The following ERICH3 variants were observed in gnomAD, a reference collection of about 807,000 sequenced individuals.
ERICH3 encodes the protein glutamate rich 3.
Under a neutral mutation model 131.1 loss-of-function variants are expected in ERICH3, and 126 were observed. That is an observed-to-expected ratio of 0.96 (90% CI 0.83 to 1.11). The LOEUF (loss-of-function observed/expected upper bound fraction) is 1.11. ERICH3 is among the 50% of genes most tolerant of loss of function. ERICH3 has a pLI of 0.00. For missense variants in ERICH3, 2,050 were observed against 1,810.7 expected (o/e 1.13, Z -2.40); for synonymous variants, 695 against 644.6 (o/e 1.08, Z -1.18).
chr1:74,650,174 T>C (rs1056640587), intron 1 of ERICH3, among the ~76,000 whole-genome samples: 5 of 152,296 alleles, frequency 3.3e-5, no homozygotes, highest in Middle Eastern at 3.4e-3. Flanking sequence ...CCTCCTTATA[T>C]ATATCTAGAC....
intron 1 of ERICH3, among the ~76,000 whole-genome samples, chr1:74,666,961 C>G (rs531924604): frequency 1.3e-5 from 2 of 152,250 alleles, no homozygotes; most frequent in East Asian, 3.9e-4. Flanking sequence ...ATAATTCTCC[C>G]TTGAGTATGT....
chr1:74,582,786 T>G (rs926355509), intron 12 of ERICH3, among the ~76,000 whole-genome samples: 1 of 152,208 alleles, frequency 6.6e-6, no homozygotes, highest in Non-Finnish European at 1.5e-5. Context: ...ATTATTTATG[T>G]GGTTTAAATG....
At chr1:74,588,086 A>G (rs1647417420) in intron 12 of ERICH3, among the ~76,000 whole-genome samples, 1 of 152,226 alleles carries the variant, frequency 6.6e-6, no homozygotes, top group African/African-American at 2.4e-5. Context: ...AAAGTTTGTC[A>G]AACTCTGTTC....
chr1:74,626,283 C>T (rs1649412842), intron 7 of ERICH3, among the ~76,000 whole-genome samples: 1 of 152,052 alleles, frequency 6.6e-6, no homozygotes. Flanking sequence ...AAAGTTTGTG[C>T]TTTAAAATAA....
chr1:74,634,707 G>A (rs1332196269), intron 6 of ERICH3: 1 of 709,610 alleles, frequency 1.4e-6, no homozygotes, highest in East Asian at 2.7e-5. Flanking sequence ...CTATCTAGGG[G>A]AGAGGAAATC....
chr1:74,572,011 C>A lies in ERICH3; in HGVS notation c.3699G>T (p.Leu1233=). 6.2e-7 allele frequency: 1 copy of A among 1,614,118 alleles called. No individual in the cohort carries two copies. Among genetic ancestry groups the A allele is most frequent in the Non-Finnish European group, 8.5e-7 (1 of 1,180,030 alleles). The change falls in exon 14 of 15, where the codon CTG becomes CTT. Residue 1233 remains leucine, a synonymous_variant. Transcript: ENST00000326665. ...CCTCTGCCTGGCCTGTGGCTGGGAT[C>A]AGCCCCTCAGGGGCCTGCACCTTTC... ...PAGKVQAPEG[L]IPATGQAEEL...
intron 12 of ERICH3, among the ~76,000 whole-genome samples, chr1:74,586,930 T>A (rs1374562254): frequency 6.6e-6 from 1 of 152,210 alleles, no homozygotes; most frequent in African/African-American, 2.4e-5. Context: ...GATAAACCTA[T>A]GAGTAATTTT....
chr1:74,578,725 TCCC>T (rs1647121480), intron 12 of ERICH3: 1 of 150,998 alleles, frequency 6.6e-6, no homozygotes, highest in Admixed American at 6.7e-5. Context: ...TCCTTCCTCC[TCCC>T]CCGATATTCT....
At chr1:74,593,756 T>C (rs1301095259) in intron 11 of ERICH3, among the ~76,000 whole-genome samples, 1 of 152,138 alleles carries the variant, frequency 6.6e-6, no homozygotes, top group Non-Finnish European at 1.5e-5. Flanking sequence ...ATCTTCTATT[T>C]TGAGATCCAG....
At position 74,636,428 on chromosome 1, in the gene ERICH3, C is replaced by T. The variant is rs373298204; in HGVS notation, c.455G>A (p.Arg152Gln). The T allele has an allele frequency of 1.5e-5, 24 of 1,605,978 alleles. No homozygotes were observed. In the Middle Eastern group the frequency reaches 5.0e-4, roughly 33 times the overall value. The stretch of plus-strand genomic sequence containing the variant: ...CATATTTCCTGGAGCAGTATATGGT[C>T]GAGGGGCTGTCTAGACAATTAGGGG... ...HSSPLALTAP[R>Q]PYTAPGNMQP... is the part of the protein sequence containing the mutation. Residue 152 changes from arginine to glutamine, a missense_variant, in exon 6 of 15, where the codon CGA becomes CAA. Coordinates refer to ENST00000326665, the MANE Select transcript of ERICH3 (RefSeq NM_001002912.5).
At chr1:74,642,281 A>G (rs1454017114) in intron 4 of ERICH3, among the ~76,000 whole-genome samples, 19 of 152,140 alleles carry the variant, frequency 1.2e-4, no homozygotes, top group Admixed American at 1.2e-3. Flanking sequence ...ACTGTCTTTT[A>G]TGGCAAATTA....
intron 1 of ERICH3, among the ~76,000 whole-genome samples, 197 bp from the exon 2 acceptor site, chr1:74,649,512 G>A (rs1470195413): frequency 6.6e-6 from 1 of 152,038 alleles, no homozygotes; most frequent in East Asian, 1.9e-4. Flanking sequence ...AAATCGTCCT[G>A]ATTTTAATTA....
chr1:74,577,876 A>G (rs1426154445), intron 12 of ERICH3, among the ~76,000 whole-genome samples: 1 of 152,220 alleles, frequency 6.6e-6, no homozygotes, highest in Non-Finnish European at 1.5e-5. Flanking sequence ...CTAAATTGCT[A>G]AAACTACTAG....
rs141664946 is a variant in ERICH3 at position 74,573,357 on chromosome 1, C to T, written c.2353G>A (p.Asp785Asn). The change falls in exon 14 of 15, where the codon GAT becomes AAT. Residue 785 changes from aspartate (D) to asparagine (N), a missense_variant. Asp to Asn is a conservative substitution (Grantham distance 23). Transcript: ENST00000326665. ...MEEDEAPQHRDADIVQGKGEA... is the reference protein window; with the variant it reads ...MEEDEAPQHRNADIVQGKGEA... ...CCTTTTCCCTGTACTATGTCAGCAT[C>T]TCTGTGCTGGGGCGCTTCATCTTCC... 3.7e-6 allele frequency: 6 copies of T among 1,611,718 alleles called. No homozygotes were observed. Among genetic ancestry groups the T allele is most frequent in the Non-Finnish European group, 5.1e-6 (6 of 1,179,212 alleles).
intron 1 of ERICH3, among the ~76,000 whole-genome samples, chr1:74,666,285 A>G (rs904956517): frequency 2.6e-5 from 4 of 152,206 alleles, no homozygotes; most frequent in African/African-American, 9.6e-5. Context: ...TAGACCCATA[A>G]GAGAATAAGA....
intron 13 of ERICH3, among the ~76,000 whole-genome samples, chr1:74,575,959 A>T (rs1647045688): frequency 6.6e-6 from 1 of 152,210 alleles, no homozygotes; most frequent in Admixed American, 6.5e-5. Flanking sequence ...GCTTTTGAAA[A>T]AATATTTAAT....
chr1:74,596,651 G>A (rs1037457717), intron 11 of ERICH3, among the ~76,000 whole-genome samples: 4 of 152,008 alleles, frequency 2.6e-5, no homozygotes, highest in Non-Finnish European at 5.9e-5. Context: ...GTCCATAAAA[G>A]TATATTCTCA....
chr1:74,596,020 C>A (rs1026682923), intron 11 of ERICH3, among the ~76,000 whole-genome samples: 1 of 152,054 alleles, frequency 6.6e-6, no homozygotes, highest in African/African-American at 2.4e-5. Context: ...GAAGCCTACA[C>A]CCCTATACTT....
intron 1 of ERICH3, among the ~76,000 whole-genome samples, chr1:74,654,435 G>C (rs964982307): frequency 6.6e-6 from 1 of 151,664 alleles, no homozygotes; most frequent in Non-Finnish European, 1.5e-5. Flanking sequence ...GTTTCTTTGG[G>C]GCTGCTCTAA....
Sources: gnomAD v4.1 joint callset for allele counts (sites outside exome capture counted in the v4.1 genomes callset) on GRCh38, gnomAD v4.1.1 for gene constraint, MANE v1.5 for transcripts, NCBI Gene and HGNC (gene_info 2026-07-23, HGNC 2026-07-21) for gene names.